Variants in DOCK4 observed in about 807,000 individuals in gnomAD.
DOCK4 encodes dedicator of cytokinesis 4, also known as dedicator of cytokinesis protein 4.
DOCK4 carries 97 observed loss-of-function variants against 268.1 expected under a neutral mutation model. That is an observed-to-expected ratio of 0.36 (90% CI 0.31 to 0.43). The LOEUF (loss-of-function observed/expected upper bound fraction) is 0.43, where lower values mean the gene tolerates loss of function less well. Among genes scored for constraint, DOCK4 ranks in the 20% least tolerant of loss-of-function variants. The pLI is 1.00. For synonymous variants in DOCK4, 954 were observed against 887.2 expected, an observed-to-expected ratio of 1.08 and a Z score of -1.34; for missense variants, 2,145 against 2,455.7, an observed-to-expected ratio of 0.87 and a Z score of 2.67.
At chr7:112,105,666 A>T (rs1586832808) in intron 1 of DOCK4, among the ~76,000 whole-genome samples, 5 of 131,624 alleles carry the variant, frequency 3.8e-5, no homozygotes, top group African/African-American at 8.5e-5. Context: ...CTTCCTCGTC[A>T]TTCCACTTCC....
chr7:111,752,150 T>C (rs978936798), intron 42 of DOCK4, among the ~76,000 whole-genome samples: 4 of 152,186 alleles, frequency 2.6e-5, no homozygotes, highest in African/African-American at 9.7e-5. Context: ...ACTTCAAAAA[T>C]AGTCCAGTTG....
At chr7:111,792,914 C>T (rs1384378911) in intron 30 of DOCK4, among the ~76,000 whole-genome samples, 1 of 152,156 alleles carries the variant, frequency 6.6e-6, no homozygotes, top group Non-Finnish European at 1.5e-5. Context: ...AAGTCAATAG[C>T]AAGTTTTTCA....
At chr7:112,055,711 C>T (rs538836642) in intron 1 of DOCK4, among the ~76,000 whole-genome samples, 1 of 152,158 alleles carries the variant, frequency 6.6e-6, no homozygotes, top group South Asian at 2.1e-4. Context: ...AGTTCGAAAC[C>T]AGCCTGGCCA....
At chr7:111,925,810 G>A (rs1413576209) in intron 12 of DOCK4, among the ~76,000 whole-genome samples, 6 of 152,140 alleles carry the variant, frequency 3.9e-5, no homozygotes, top group South Asian at 4.1e-4. Context: ...AAAGAGGGCC[G>A]GGCACAGTGG....
chr7:111,990,922 T>C (rs1248944761), intron 5 of DOCK4, among the ~76,000 whole-genome samples: 2 of 152,138 alleles, frequency 1.3e-5, no homozygotes, highest in Admixed American at 6.5e-5. Flanking sequence ...TCTCAAGAGG[T>C]AGATTCTGTA....
intron 35 of DOCK4, among the ~76,000 whole-genome samples, chr7:111,780,579 C>T (rs562705193): frequency 3.3e-5 from 5 of 152,294 alleles, no homozygotes; most frequent in Non-Finnish European, 7.4e-5. Flanking sequence ...TTCCAAATGT[C>T]TGACAAAGTG....
intron 8 of DOCK4, among the ~76,000 whole-genome samples, chr7:111,961,239 C>T (rs1026914331): frequency 1.3e-5 from 2 of 152,220 alleles, no homozygotes; most frequent in African/African-American, 4.8e-5. Context: ...CAGCATTTTA[C>T]ACCCATTTCA....
intron 25 of DOCK4, among the ~76,000 whole-genome samples, chr7:111,844,005 T>C (rs990001032): frequency 6.6e-6 from 1 of 152,194 alleles, no homozygotes; most frequent in Non-Finnish European, 1.5e-5. Context: ...CTAGGCATGG[T>C]GGTTCACACC....
chr7:111,762,757 GTTTTCTTTTTT>G (rs1797502446), intron 39 of DOCK4, among the ~76,000 whole-genome samples: 5 of 55,012 alleles, frequency 9.1e-5, no homozygotes, highest in African/African-American at 6.7e-5. Context: ...ATTTTGTTTT[GTTTTCTTTTTT>G]TTTTTTTTTT....
intron 1 of DOCK4, among the ~76,000 whole-genome samples, chr7:112,145,969 A>G (rs1815450370): frequency 6.6e-6 from 1 of 152,150 alleles, no homozygotes; most frequent in African/African-American, 2.4e-5. Flanking sequence ...TTTGTTTGTG[A>G]TATAGAAAAT....
At chr7:112,157,309 T>C (rs1816704959) in intron 1 of DOCK4, among the ~76,000 whole-genome samples, 1 of 152,112 alleles carries the variant, frequency 6.6e-6, no homozygotes, top group Admixed American at 6.6e-5. Context: ...AATACCCACC[T>C]TGTAGCGGCC....
At chr7:112,163,190 A>G (rs759458751) in intron 1 of DOCK4, among the ~76,000 whole-genome samples, 14 of 152,362 alleles carry the variant, frequency 9.2e-5, no homozygotes, top group Admixed American at 5.2e-4. Flanking sequence ...CACTCAAGTT[A>G]TAAGACAAAC....
chr7:112,050,107 T>G (rs931621023), intron 1 of DOCK4, among the ~76,000 whole-genome samples: 5 of 152,218 alleles, frequency 3.3e-5, no homozygotes, highest in Non-Finnish European at 7.4e-5. Context: ...TATTTTCCTC[T>G]CCTTTTATTT....
chr7:111,763,845 G>A (rs1797606348), intron 39 of DOCK4, among the ~76,000 whole-genome samples: 1 of 152,196 alleles, frequency 6.6e-6, no homozygotes, highest in Non-Finnish European at 1.5e-5. Flanking sequence ...AATTCAACAT[G>A]TATTCTGACT....
rs188213087 is a variant in DOCK4 at position 112,131,907 on chromosome 7, G to A, written c.37+74195C>T. Among the ~76,000 whole-genome samples, 6 of 152,244 alleles carry A rather than the reference G, an allele frequency of 3.9e-5. No homozygotes were observed. The East Asian group carries it at 9.7e-4, about 24-fold the overall frequency. On this transcript the variant is annotated intron_variant, in intron 1 of 52. Transcript: ENST00000428084. ...TTTTAAATTCTATCCCTAGAAAGACGCCAGTGTCCTACAGGGAAAATATGC... is the reference window on the plus strand; with the variant it reads ...TTTTAAATTCTATCCCTAGAAAGACACCAGTGTCCTACAGGGAAAATATGC...
At chr7:112,042,979 G>T (rs1804523530) in intron 1 of DOCK4, among the ~76,000 whole-genome samples, 2 of 152,216 alleles carry the variant, frequency 1.3e-5, no homozygotes, top group South Asian at 4.1e-4. Context: ...CTCCCACCAT[G>T]TGGTGTTTTC....
At position 111,895,987 on chromosome 7, in the gene DOCK4, T is replaced by C. The variant is rs534162506; in HGVS notation, c.1481-269A>G. The stretch of plus-strand genomic sequence containing the variant: ...CTTTTTAAAAAATTTGTGGATTGCC[T>C]GTTTCTTCTTTTTACCCCAAAGTCC... On this transcript the variant is annotated intron_variant, in intron 15 of 52. Transcript: ENST00000428084. Among the ~76,000 whole-genome samples, 9 of 152,214 alleles carry C rather than the reference T, an allele frequency of 5.9e-5. No homozygotes were observed. In the South Asian group the frequency reaches 1.7e-3, roughly 28 times the overall value.
At position 111,847,029 on chromosome 7, in the gene DOCK4, G is replaced by A. The variant is rs201221346; in HGVS notation, c.2571C>T (p.Asn857=). 67 of 1,613,616 alleles carry A rather than the reference G, an allele frequency of 4.2e-5. No homozygotes were observed. Among genetic ancestry groups the A allele is most frequent in the South Asian group, 5.5e-5 (5 of 91,042 alleles). Residue 857 remains asparagine, a synonymous_variant, in exon 24 of 53, where the codon AAC becomes AAT. Transcript: ENST00000428084. The part of the protein sequence containing the change: ...DLIMCARILS[N]VFCLIKKNSS... ...TATTTTTCTTGATAAGACAAAATACGTTGCTAAGGATACGTGCACACATGA... is the reference window on the plus strand; with the variant it reads ...TATTTTTCTTGATAAGACAAAATACATTGCTAAGGATACGTGCACACATGA...
chr7:111,732,657 GGGGAAC>G (rs2133374990), intron 51 of DOCK4: 1 of 213,754 alleles, frequency 4.7e-6, no homozygotes, highest in Non-Finnish European at 9.4e-6. Context: ...AGCAGTTCTT[GGGGAAC>G]AGCTGTTGAC....
Sources: gnomAD v4.1 joint callset for allele counts (sites outside exome capture counted in the v4.1 genomes callset) on GRCh38, gnomAD v4.1.1 for gene constraint, MANE v1.5 for transcripts, NCBI Gene and HGNC (gene_info 2026-07-23, HGNC 2026-07-21) for gene names.